Variants in NECTIN3 observed in about 807,000 individuals in gnomAD.
The protein encoded by NECTIN3 is nectin cell adhesion molecule 3.
Under a neutral mutation model 49.4 loss-of-function variants are expected in NECTIN3, and 8 were observed. The ratio of observed to expected loss-of-function variants is 0.16; its 90% CI spans 0.10 to 0.29. The LOEUF is 0.29. Among genes scored for constraint, NECTIN3 ranks in the 10% least tolerant of loss-of-function variants. NECTIN3 has a pLI of 1.00. For missense variants in NECTIN3, 581 were observed against 654.6 expected, an observed-to-expected ratio of 0.89 and a Z score of 1.23; for synonymous variants, 277 against 241.1, an observed-to-expected ratio of 1.15 and a Z score of -1.38.
intron 7 of NECTIN3, among the ~76,000 whole-genome samples, chr3:111,170,366 C>T (rs1275670373): frequency 1.3e-5 from 2 of 152,062 alleles, no homozygotes; most frequent in Non-Finnish European, 2.9e-5. Flanking sequence ...TCATTTAATC[C>T]TTACAGTCAA....
intron 7 of NECTIN3, among the ~76,000 whole-genome samples, chr3:111,164,188 C>A (rs2035273659): frequency 6.6e-6 from 1 of 152,032 alleles, no homozygotes; most frequent in Non-Finnish European, 1.5e-5. Flanking sequence ...TTTTGTAAAT[C>A]TTTACCTTGT....
intron 1 of NECTIN3, among the ~76,000 whole-genome samples, chr3:111,081,352 A>C (rs1031575753): frequency 1.3e-5 from 2 of 152,228 alleles, no homozygotes; most frequent in Admixed American, 6.5e-5. Flanking sequence ...TTATGTAGAA[A>C]GGACTCTTCT....
intron 1 of NECTIN3, among the ~76,000 whole-genome samples, chr3:111,075,437 T>G (rs1192112643): frequency 1.3e-5 from 2 of 152,100 alleles, no homozygotes; most frequent in Admixed American, 6.6e-5. Flanking sequence ...TATAAAGAGA[T>G]AACATTACTA....
rs1471369836 is a variant in NECTIN3, at chr3:111,133,804, T to A, written c.1239T>A (p.Ala413=). The A allele has an allele frequency of 2.5e-6, 4 of 1,613,860 alleles. No individual in the cohort carries two copies. The African/African-American group carries it at 5.3e-5, about 22-fold the overall frequency. Residue 413 remains alanine, a synonymous_variant, in exon 6 of 6, where the codon GCT becomes GCA. Coordinates refer to ENST00000485303, the MANE Select transcript of NECTIN3 (RefSeq NM_015480.3). ...ATIIASVVGG[A]LFIVLVSVLA... ...TCATTGCTAGTGTAGTGGGTGGGGC[T>A]CTCTTCATAGTACTTGTAAGTGTTT...
chr3:111,179,234 G>A (rs72937963), intron 7 of NECTIN3, among the ~76,000 whole-genome samples: 5,860 of 152,182 alleles, frequency 0.039, 380 homozygotes, highest in African/African-American at 0.13. Flanking sequence ...GATCTAGAAC[G>A]TCTTTTCACA....
intron 1 of NECTIN3, among the ~76,000 whole-genome samples, chr3:111,082,964 G>A (rs7632518): frequency 0.95 from 144,081 of 152,108 alleles, 68,715 homozygotes; most frequent in East Asian, 1. Flanking sequence ...TCGTGCTCCT[G>A]TGAGAATCTA....
chr3:111,072,575 C>T, intron 1 of NECTIN3: 1 of 1,535,318 alleles, frequency 6.5e-7, no homozygotes, highest in Non-Finnish European at 8.7e-7. Context: ...AGCTGTGAGC[C>T]CAGAAACCCT....
At chr3:111,171,084 T>G (rs2035425248) in intron 7 of NECTIN3, among the ~76,000 whole-genome samples, 1 of 152,212 alleles carries the variant, frequency 6.6e-6, no homozygotes, top group Non-Finnish European at 1.5e-5. Context: ...TTTATACATA[T>G]TACCTCATGA....
intron 1 of NECTIN3, among the ~76,000 whole-genome samples, chr3:111,107,891 T>C (rs552750902): frequency 2.0e-5 from 3 of 152,308 alleles, no homozygotes; most frequent in Admixed American, 2.0e-4. Context: ...TAGATTCTTT[T>C]ATTTGCAACA....
intron 7 of NECTIN3, among the ~76,000 whole-genome samples, chr3:111,179,763 G>A (rs1471476005): frequency 1.3e-5 from 2 of 151,770 alleles, no homozygotes; most frequent in Non-Finnish European, 1.5e-5. Context: ...GTGTGGCGGC[G>A]GGACCTGTAG....
At chr3:111,137,986 ATTATC>A (rs1175029565), downstream of NECTIN3, among the ~76,000 whole-genome samples, 2 of 151,606 alleles carry the variant, frequency 1.3e-5, no homozygotes, top group East Asian at 3.9e-4. Flanking sequence ...ATAGTTATAA[ATTATC>A]TTATCTCTGT....
Position 111,137,154 on chromosome 3 carries a change from T to C in NECTIN3, c.*2939T>C, listed in dbSNP as rs988158773. ...ATTTTATATGTGAAAACATCTGATT[T>C]GAGTTTTTGATAAATACTGCTAAAA... On this transcript the variant is annotated 3_prime_UTR_variant, in exon 6 of 6. Transcript: ENST00000485303. The C allele has an allele frequency of 2.4e-5, 23 of 959,128 alleles. No individual in the cohort carries two copies. The highest frequency in any genetic ancestry group is 1.2e-4 in the Admixed American group (2 of 16,102). 59.4% of individuals were successfully genotyped at this position (959,128 alleles called of 1,614,324 possible).
chr3:111,145,514 A>G (rs1258387918), intron 6 of NECTIN3, among the ~76,000 whole-genome samples: 1 of 152,180 alleles, frequency 6.6e-6, no homozygotes, highest in East Asian at 1.9e-4. Flanking sequence ...GGTGACTTAT[A>G]AAATATACAT....
chr3:111,191,386 A>G (rs1301179015), upstream of NECTIN3, among the ~76,000 whole-genome samples: 1 of 152,192 alleles, frequency 6.6e-6, no homozygotes, highest in Non-Finnish European at 1.5e-5. Flanking sequence ...GAGAAAAGCA[A>G]GTAGACTTAT....
chr3:111,191,383 G>T (rs2035809466), upstream of NECTIN3, among the ~76,000 whole-genome samples: 1 of 152,158 alleles, frequency 6.6e-6, no homozygotes, highest in Non-Finnish European at 1.5e-5. Context: ...AAGGAGAAAA[G>T]CAAGTAGACT....
chr3:111,130,834 A>G (rs950130321), intron 5 of NECTIN3, among the ~76,000 whole-genome samples: 2 of 152,042 alleles, frequency 1.3e-5, no homozygotes, highest in African/African-American at 2.4e-5. Flanking sequence ...ACTACTGGAA[A>G]TTGTGTTTTT....
chr3:111,129,926 A>G (rs980652057), intron 5 of NECTIN3, among the ~76,000 whole-genome samples: 1 of 150,820 alleles, frequency 6.6e-6, no homozygotes, highest in Non-Finnish European at 1.5e-5. Context: ...CTAGGATTAC[A>G]GGTGTGAGCC....
chr3:111,180,156 G>A (rs1329626500), intron 7 of NECTIN3, among the ~76,000 whole-genome samples: 1 of 152,120 alleles, frequency 6.6e-6, no homozygotes, highest in African/African-American at 2.4e-5. Context: ...ATATATAAGA[G>A]TTGAGAATAA....
At chr3:111,072,257 G>C (rs2030815070) in intron 1 of NECTIN3, 80 bp downstream of exon 1, 1 of 1,475,956 alleles carries the variant, frequency 6.8e-7, no homozygotes, top group African/African-American at 1.4e-5. Context: ...TCTGCCAGCC[G>C]TTCTCTGGAG....
Sources: gnomAD v4.1 joint callset for allele counts (sites outside exome capture counted in the v4.1 genomes callset) on GRCh38, gnomAD v4.1.1 for gene constraint, MANE v1.5 for transcripts, NCBI Gene and HGNC (gene_info 2026-07-23, HGNC 2026-07-21) for gene names.